Variants in VPS50 observed in about 807,000 individuals in gnomAD.
The protein encoded by VPS50 is VPS50 subunit of EARP/GARPII complex.
VPS50 carries 70 observed loss-of-function variants against 139.7 expected under a neutral mutation model. The ratio of observed to expected loss-of-function variants is 0.50; its 90% confidence interval spans 0.41 to 0.61. The LOEUF (loss-of-function observed/expected upper bound fraction) is 0.61, where lower values mean the gene tolerates loss of function less well. Among genes scored for constraint, VPS50 ranks in the 20% least tolerant of loss-of-function variants. VPS50 has a pLI of 0.00. For synonymous variants in VPS50, 365 were observed against 376.7 expected (o/e 0.97, Z 0.36); for missense variants, 921 against 1,133.7 (o/e 0.81, Z 2.69).
Position 93,300,176 on chromosome 7 carries a change from T to C in VPS50, c.1361+2933T>C, listed in dbSNP as rs557329743. ...AATTTTGAAGAAATTATATGTCTTT[T>C]GAAGAAATGTCTTTGAAGAAATTAT... On this transcript the variant is annotated intron_variant, in intron 16 of 27. Coordinates refer to ENST00000305866, the MANE Select transcript of VPS50 (RefSeq NM_017667.4). 2.2e-4 allele frequency among the ~76,000 whole-genome samples: 34 copies of C among 152,262 alleles called. No homozygotes were observed. In the South Asian group the frequency reaches 2.5e-3, roughly 11 times the overall value.
chr7:93,353,714 A>G lies in VPS50; in HGVS notation c.2538A>G (p.Ile846Met). 1 of 1,612,492 alleles carries G rather than the reference A, an allele frequency of 6.2e-7. No individual in the cohort carries two copies. Among genetic ancestry groups the G allele is most frequent in the African/African-American group, 1.3e-5 (1 of 74,988 alleles). ...RVRIPLPVSN[I>M]LWEHCIRLAN... ...GCATACCCTTGCCTGTGTCTAATAT[A>G]CTTTGGGAACATTGTATACGATTGG... is the stretch of plus-strand genomic sequence containing the variant. Residue 846 changes from isoleucine to methionine, a missense_variant, in exon 26 of 28, where the codon ATA (isoleucine) becomes ATG (methionine). Ile to Met is a conservative substitution (Grantham distance 10). Around this residue, in one of 3 missense-constraint regions of VPS50, gnomAD observed 158 missense variants for 156.3 expected, o/e 1.01. Transcript: ENST00000305866.
intron 19 of VPS50, among the ~76,000 whole-genome samples, chr7:93,309,500 G>A (rs1178383022): frequency 6.6e-6 from 1 of 151,872 alleles, no homozygotes; most frequent in African/African-American, 2.4e-5. Context: ...AATCAATCCT[G>A]CCTTTGGTGG....
intron 2 of VPS50, 69 bp from the exon 3 acceptor site, chr7:93,252,584 C>A: frequency 1.9e-6 from 2 of 1,032,290 alleles, no homozygotes; most frequent in South Asian, 1.4e-5. Context: ...GACAAATGAT[C>A]ATTTATTTCC....
chr7:93,309,979 A>AGTT (rs1161617231), intron 19 of VPS50, among the ~76,000 whole-genome samples: 1 of 152,028 alleles, frequency 6.6e-6, no homozygotes, highest in African/African-American at 2.4e-5. Context: ...CAATTCACGT[A>AGTT]GTTGTAGCTA....
intron 22 of VPS50, 77 bp downstream of exon 22, chr7:93,334,274 G>A (rs1798013393): frequency 2.4e-6 from 2 of 830,050 alleles, no homozygotes; most frequent in African/African-American, 1.7e-5. Context: ...TCATATAAAT[G>A]TGTGTCTATA....
intron 26 of VPS50, 123 bp downstream of exon 26, chr7:93,353,884 G>T: frequency 1.3e-6 from 1 of 756,752 alleles, no homozygotes; most frequent in Non-Finnish European, 2.1e-6. Flanking sequence ...ACAAGTTTGG[G>T]ATATAATTAG....
Position 93,296,596 on chromosome 7 carries a change from T to C in VPS50, c.1168-146T>C, listed in dbSNP as rs1016418272. On this transcript the variant is annotated intron_variant, in intron 14 of 27. Coordinates refer to ENST00000305866, the MANE Select transcript of VPS50 (RefSeq NM_017667.4). ...GTCTCTATTACATCCCTTAAGGATG[T>C]TGGCTATTGGCCTAAATAGATATTC... 6.5e-6 allele frequency: 9 copies of C among 1,394,794 alleles called. No homozygotes were observed. The Admixed American group carries it at 2.2e-4, about 34-fold the overall frequency. The allele number at this position is 1,394,794 out of a possible 1,614,324, so 86.4% of individuals were successfully genotyped here.
At chr7:93,351,189 C>T (rs1202439146) in intron 25 of VPS50, among the ~76,000 whole-genome samples, 2 of 151,962 alleles carry the variant, frequency 1.3e-5, no homozygotes, top group East Asian at 1.9e-4. Flanking sequence ...GAGATCTTAG[C>T]GGGGAATGAC....
At chr7:93,283,026 T>G (rs1233128562) in intron 12 of VPS50, among the ~76,000 whole-genome samples, 2 of 152,150 alleles carry the variant, frequency 1.3e-5, no homozygotes, top group Non-Finnish European at 2.9e-5. Context: ...TATTTGTTTC[T>G]TCCTTTTTTT....
chr7:93,247,962 CT>C (rs1009292878), intron 2 of VPS50, among the ~76,000 whole-genome samples: 1 of 151,814 alleles, frequency 6.6e-6, no homozygotes, highest in African/African-American at 2.4e-5. Flanking sequence ...GCTGATAATA[CT>C]TTTTGCTTAG....
chr7:93,279,313 T>C (rs1796255318), intron 12 of VPS50, among the ~76,000 whole-genome samples: 1 of 152,214 alleles, frequency 6.6e-6, no homozygotes, highest in Non-Finnish European at 1.5e-5. Flanking sequence ...CTAGTTCTGC[T>C]TATTTATTAC....
intron 9 of VPS50, among the ~76,000 whole-genome samples, chr7:93,261,335 A>C (rs542353482): frequency 5.3e-5 from 8 of 152,160 alleles, no homozygotes; most frequent in Admixed American, 5.2e-4. Flanking sequence ...TGGTTTCATA[A>C]AGAACATAAT....
intron 16 of VPS50, 113 bp downstream of exon 16, chr7:93,297,356 TG>T: frequency 1.7e-6 from 2 of 1,163,400 alleles, no homozygotes; most frequent in South Asian, 5.5e-5. Context: ...TGAATTTGAA[TG>T]TGTTGTAGCT....
intron 22 of VPS50, among the ~76,000 whole-genome samples, chr7:93,337,452 C>T (rs1034985356): frequency 1.3e-5 from 2 of 152,160 alleles, no homozygotes; most frequent in Admixed American, 1.3e-4. Flanking sequence ...TCTAGAGCCA[C>T]CTCCCTGTTC....
chr7:93,358,441 C>T lies in VPS50; in HGVS notation c.*5C>T, dbSNP rs371906960. On this transcript the variant is annotated 3_prime_UTR_variant, in exon 28 of 28. Coordinates refer to ENST00000305866, the MANE Select transcript of VPS50 (RefSeq NM_017667.4). ...ATAGACAGACCTAAAAGATAATGAA[C>T]ACAGCTCTCTTTCCTCAATGGCATT... 16 of 1,609,814 alleles carry T rather than the reference C, an allele frequency of 9.9e-6. No homozygotes were observed. Among genetic ancestry groups the T allele is most frequent in the Non-Finnish European group, 1.3e-5 (15 of 1,176,912 alleles).
At chr7:93,238,238 A>G (rs1794876921) in intron 1 of VPS50, among the ~76,000 whole-genome samples, 1 of 151,770 alleles carries the variant, frequency 6.6e-6, no homozygotes, top group African/African-American at 2.4e-5. Flanking sequence ...ACCGCCCAAG[A>G]CTAGTAACAT....
intron 9 of VPS50, chr7:93,271,001 C>T (rs1795988061): frequency 1.8e-6 from 1 of 542,610 alleles, no homozygotes; most frequent in Non-Finnish European, 2.7e-6. Context: ...TAGATTCTTT[C>T]TTTCTACTCA....
rs375006121 is a variant in VPS50 at position 93,276,215 on chromosome 7, C to G, written c.852C>G (p.Thr284=). ...ACTTCACCCAAGCCATTCACAACAC[C>G]GTGTTTCAAGTTGTTCTTGGTTATG... ...HMHFTQAIHN[T]VFQVVLGYVE... The change falls in exon 12 of 28, where the codon ACC becomes ACG. Residue 284 remains threonine, a synonymous_variant. Coordinates refer to ENST00000305866, the MANE Select transcript of VPS50 (RefSeq NM_017667.4). 4 of 1,613,286 alleles carry G rather than the reference C, an allele frequency of 2.5e-6. No homozygotes were observed. In the African/African-American group the frequency reaches 4.0e-5, roughly 16 times the overall value.
intron 12 of VPS50, among the ~76,000 whole-genome samples, chr7:93,291,477 C>T (rs1057151299): frequency 1.3e-5 from 2 of 152,114 alleles, no homozygotes; most frequent in Middle Eastern, 3.4e-3. Context: ...GATTGATTCA[C>T]AGCATATGGG....
Sources: allele counts gnomAD v4.1 joint callset (sites outside exome capture counted in the v4.1 genomes callset), GRCh38; gene constraint gnomAD v4.1.1; regional missense constraint gnomAD v4.1.1; transcripts MANE v1.5; gene names NCBI Gene and HGNC (gene_info 2026-07-23, HGNC 2026-07-21).